The following RASAL1 variants were observed in gnomAD, a reference collection of about 807,000 sequenced individuals.
The protein encoded by RASAL1 is RAS protein activator like 1.
A neutral mutation model predicts 96.6 loss-of-function variants in RASAL1; 72 were observed. The observed-to-expected ratio is 0.75, with a 90% confidence interval of 0.62 to 0.91. RASAL1 has a LOEUF of 0.91. Among genes scored for constraint, RASAL1 ranks in the 40% least tolerant of loss-of-function variants. The pLI is 0.00. For missense variants in RASAL1, 1,016 were observed against 1,072.5 expected (o/e 0.95, Z 0.74); for synonymous variants, 405 against 430.4 (o/e 0.94, Z 0.73).
chr12:113,130,755 A>G lies in RASAL1; in HGVS notation c.122+130T>C, dbSNP rs1951673619. 2 of 698,202 alleles carry G rather than the reference A, an allele frequency of 2.9e-6. No homozygotes were observed. The highest frequency in any genetic ancestry group is 4.8e-6 in the Non-Finnish European group (2 of 420,524). The allele number at this position is 698,202 out of a possible 1,614,324, so 43.3% of individuals were successfully genotyped here. ...TGGCAGTCCCAGCTGGACACAAATCACCCACCTGCAGGCCCGCGAGTCCCC... is the reference window on the plus strand; with the variant it reads ...TGGCAGTCCCAGCTGGACACAAATCGCCCACCTGCAGGCCCGCGAGTCCCC... On this transcript the variant is annotated intron_variant, in intron 2 of 20. Transcript: ENST00000548055. The surrounding 1 kb of genome is among the most constrained non-coding windows in gnomAD (Gnocchi z 5.1).
rs142331902 is a variant in RASAL1 at position 113,131,020 on chromosome 12, A to G, written c.66-79T>C. ...GGAGGGTCCCAGTCATGACACAGGCAGGGGAGTCGGAGGCACAGACAGAGA... is the reference window on the plus strand; with the variant it reads ...GGAGGGTCCCAGTCATGACACAGGCGGGGGAGTCGGAGGCACAGACAGAGA... On this transcript the variant is annotated intron_variant, in intron 1 of 20. Coordinates refer to ENST00000548055, the MANE Select transcript of RASAL1 (RefSeq NM_001301202.2). 5,202 of 1,120,566 alleles carry G rather than the reference A, an allele frequency of 4.6e-3. 25 individuals are homozygous for G. The highest frequency in any genetic ancestry group is 5.9e-3 in the Non-Finnish European group (4,417 of 751,234). 69.4% of individuals were successfully genotyped at this position (1,120,566 alleles called of 1,614,324 possible). A position where few individuals can be genotyped will look rare whatever the true frequency, so the allele number is the denominator to read the frequency against.
intron 7 of RASAL1, 59 bp from the exon 8 acceptor site, chr12:113,117,220 C>A: frequency 7.4e-7 from 1 of 1,342,816 alleles, no homozygotes; most frequent in Non-Finnish European, 1.0e-6. Context: ...CCCTGCCTGG[C>A]TCAGGTCTCA....
At chr12:113,134,153 G>T (rs1277760128) in intron 1 of RASAL1, among the ~76,000 whole-genome samples, 2 of 152,154 alleles carry the variant, frequency 1.3e-5, no homozygotes, top group African/African-American at 2.4e-5. Flanking sequence ...CTGGTGGGGG[G>T]GCTTGTCCAG....
At position 113,130,869 on chromosome 12, in the gene RASAL1, T is replaced by C; in HGVS notation, c.122+16A>G. ...ACCCCTCCCTTCCTCCTCTCCCCCG[T>C]GTCGCCACCCCTCACCTGGCCACCA... On this transcript the variant is annotated intron_variant, in intron 2 of 20. Coordinates refer to ENST00000548055, the MANE Select transcript of RASAL1 (RefSeq NM_001301202.2). This position sits in a 1 kb window ranked among gnomAD's most constrained non-coding sequence, Gnocchi z 5.1. The C allele has an allele frequency of 1.9e-6, 3 of 1,610,524 alleles. No homozygotes were observed. Among genetic ancestry groups the C allele is most frequent in the Non-Finnish European group, 2.5e-6 (3 of 1,177,426 alleles).
chr12:113,115,635 T>C lies in RASAL1; in HGVS notation c.1003A>G (p.Met335Val), dbSNP rs1242564690. The C allele has an allele frequency of 7.4e-6, 12 of 1,612,670 alleles. No homozygotes were observed. Among genetic ancestry groups the C allele is most frequent in the Non-Finnish European group, 1.0e-5 (12 of 1,179,884 alleles). ...GTCGGGGGTTGTGCGGGCAACTCAC[T>C]GGTCCGAGCCACCTCACGCCGGGTG... ...YLTRREVART[M>V]DPNTLFRSNS... is the part of the protein sequence containing the mutation. The change falls in exon 10 of 21, where the codon ATG becomes GTG. Residue 335 changes from methionine to valine, a missense_variant and splice_region_variant. Transcript: ENST00000548055. This position sits in a 1 kb window ranked among gnomAD's most constrained non-coding sequence, Gnocchi z 4.1.
At chr12:113,125,573 A>G (rs1592949999) in intron 4 of RASAL1, among the ~76,000 whole-genome samples, 3 of 152,240 alleles carry the variant, frequency 2.0e-5, no homozygotes, top group African/African-American at 7.2e-5. Context: ...CACGATCAAA[A>G]AGTTTGATAA....
Position 113,115,861 on chromosome 12 carries a change from C to T in RASAL1, c.849+73G>A, listed in dbSNP as rs962264309. 12 of 1,591,970 alleles carry T rather than the reference C, an allele frequency of 7.5e-6. No individual in the cohort carries two copies. The highest frequency in any genetic ancestry group is 2.2e-5 in the South Asian group (2 of 88,890). ...AAGCAGATGGGCCTAGATAGGGCTCCGTGAGGCAGGGGGAGGCCAGGATCC... is the reference window on the plus strand; with the variant it reads ...AAGCAGATGGGCCTAGATAGGGCTCTGTGAGGCAGGGGGAGGCCAGGATCC... On this transcript the variant is annotated intron_variant, in intron 9 of 20. Coordinates refer to ENST00000548055, the MANE Select transcript of RASAL1 (RefSeq NM_001301202.2). The surrounding 1 kb of genome is among the most constrained non-coding windows in gnomAD (Gnocchi z 4.1).
chr12:113,114,638 T>G (rs1029153835), intron 12 of RASAL1, among the ~76,000 whole-genome samples, 162 bp downstream of exon 12: 1 of 152,080 alleles, frequency 6.6e-6, no homozygotes, highest in African/African-American at 2.4e-5. Context: ...CACAGCCTGA[T>G]GGTTTAAGGG....
chr12:113,122,513 C>T (rs192243081), intron 4 of RASAL1, among the ~76,000 whole-genome samples: 7 of 151,706 alleles, frequency 4.6e-5, no homozygotes, highest in Admixed American at 2.0e-4. Context: ...TTTGTAGAGA[C>T]GAGGTTTTGC....
At chr12:113,106,412 A>C (rs1456503798) in intron 15 of RASAL1, among the ~76,000 whole-genome samples, 1 of 152,230 alleles carries the variant, frequency 6.6e-6, no homozygotes, top group Admixed American at 6.5e-5. Context: ...ACTCCAAGTC[A>C]AAGCTAAAAT....
At chr12:113,100,529 C>G in intron 20 of RASAL1, 99 bp downstream of exon 20, 1 of 1,034,786 alleles carries the variant, frequency 9.7e-7, no homozygotes, top group Non-Finnish European at 1.5e-6. Flanking sequence ...GAACTCCTGA[C>G]CTCAAGTGAT....
chr12:113,121,480 C>T (rs1163824729), intron 5 of RASAL1, 29 bp downstream of exon 5: 1 of 1,613,174 alleles, frequency 6.2e-7, no homozygotes, highest in Admixed American at 1.7e-5. Context: ...CTCAGACCAC[C>T]CTCCACACCA....
rs1703998816 is a variant in RASAL1 at position 113,129,858 on chromosome 12, C to T, written c.122+1027G>A. ...CAGCCAAAGGTCTTCTGAACATTCC[C>T]CAGCTCCTGAGCTGAAAGGCTTCTT... On this transcript the variant is annotated intron_variant, in intron 2 of 20. Coordinates refer to ENST00000548055, the MANE Select transcript of RASAL1 (RefSeq NM_001301202.2). The surrounding 1 kb of genome is among the most constrained non-coding windows in gnomAD (Gnocchi z 5.0). Among the ~76,000 whole-genome samples, 1 of 152,214 alleles carries T rather than the reference C, an allele frequency of 6.6e-6. No homozygotes were observed. Among genetic ancestry groups the T allele is most frequent in the Non-Finnish European group, 1.5e-5 (1 of 68,026 alleles).
rs1951663536 is a variant in RASAL1 at position 113,130,527 on chromosome 12, A to T, written c.122+358T>A. Reference sequence around the variant, plus strand: ...CGGGTGCACACACAGACACACATGCACATGCCCACGCGCACAGACATCCCC... The same window carrying T: ...CGGGTGCACACACAGACACACATGCTCATGCCCACGCGCACAGACATCCCC... On this transcript the variant is annotated intron_variant, in intron 2 of 20. Transcript: ENST00000548055. The surrounding 1 kb of genome is among the most constrained non-coding windows in gnomAD (Gnocchi z 5.1). Among the ~76,000 whole-genome samples, 1 of 152,024 alleles carries T rather than the reference A, an allele frequency of 6.6e-6. No homozygotes were observed. The highest frequency in any genetic ancestry group is 6.6e-5 in the Admixed American group (1 of 15,266).
chr12:113,103,974 C>T lies in RASAL1; in HGVS notation c.2076G>A (p.Trp692Ter). The T allele has an allele frequency of 6.4e-7, 1 of 1,563,128 alleles. No individual in the cohort carries two copies. The highest frequency in any genetic ancestry group is 8.7e-7 in the Non-Finnish European group (1 of 1,154,008). ...CHPGAFRSAR[W>*]TCCLQAERSA... ...AGCGCTCAGCCTGGAGGCAGCAGGT[C>T]CAGCGCGCGCTGCGGAAGGCACCGG... Residue 692 changes from tryptophan to a stop codon, truncating the protein, a stop_gained, in exon 18 of 21, where the codon TGG (tryptophan) becomes TGA (stop). Transcript: ENST00000548055. LOFTEE classifies it high-confidence loss of function.
intron 1 of RASAL1, among the ~76,000 whole-genome samples, chr12:113,132,633 G>A (rs1951766551): frequency 1.3e-5 from 2 of 152,270 alleles, no homozygotes; most frequent in African/African-American, 2.4e-5. Context: ...ATGCCTCTGG[G>A]ATGCCAGGAA....
chr12:113,126,405 G>T (rs1196196480), intron 4 of RASAL1, among the ~76,000 whole-genome samples: 1 of 152,096 alleles, frequency 6.6e-6, no homozygotes, highest in Non-Finnish European at 1.5e-5. Flanking sequence ...ACTCGGCTTG[G>T]TGCAGTGGCT....
chr12:113,115,929 C>A lies in RASAL1; in HGVS notation c.849+5G>T. ...CTGATAGCATTGCTTGCCTGACGCA[C>A]CCACCTCTGCTGGCCCCTGCACAGA... On this transcript the variant is annotated splice_donor_5th_base_variant and intron_variant, in intron 9 of 20. Coordinates refer to ENST00000548055, the MANE Select transcript of RASAL1 (RefSeq NM_001301202.2). This position sits in a 1 kb window ranked among gnomAD's most constrained non-coding sequence, Gnocchi z 4.1. 1 of 1,588,172 alleles carries A rather than the reference C, an allele frequency of 6.3e-7. No individual in the cohort carries two copies. The highest frequency in any genetic ancestry group is 1.1e-5 in the South Asian group (1 of 87,100).
At position 113,135,252 on chromosome 12, in the gene RASAL1, C is replaced by A; in HGVS notation, c.65+146G>T. On this transcript the variant is annotated intron_variant, in intron 1 of 20. Coordinates refer to ENST00000548055, the MANE Select transcript of RASAL1 (RefSeq NM_001301202.2). This position sits in a 1 kb window ranked among gnomAD's most constrained non-coding sequence, Gnocchi z 5.7. The stretch of plus-strand genomic sequence containing the variant: ...GCCATGGGCATGCGGCCTCTCGCCC[C>A]TTTAAAGCGGAACTGCCCCAAGACC... 1.3e-6 allele frequency: 1 copy of A among 745,110 alleles called. No homozygotes were observed. Among genetic ancestry groups the A allele is most frequent in the Non-Finnish European group, 2.1e-6 (1 of 466,740 alleles). The allele number at this position is 745,110 out of a possible 1,614,324, so 46.2% of individuals were successfully genotyped here.
Sources: gnomAD v4.1 joint callset for allele counts (sites outside exome capture counted in the v4.1 genomes callset) on GRCh38, gnomAD v4.1.1 for gene constraint, Gnocchi (gnomAD v3.1) non-coding constraint, MANE v1.5 for transcripts, NCBI Gene and HGNC (gene_info 2026-07-23, HGNC 2026-07-21) for gene names.